The following PTGFR variants were observed in gnomAD, a reference collection of about 807,000 sequenced individuals.
The protein encoded by PTGFR is prostaglandin F receptor.
PTGFR carries 15 observed loss-of-function variants against 26.2 expected under a neutral mutation model. That is an observed-to-expected ratio of 0.57 (90% CI 0.38 to 0.88). The LOEUF (loss-of-function observed/expected upper bound fraction) is 0.88. Ranked by LOEUF, PTGFR falls within the 40% of genes least tolerant of loss-of-function variation. The pLI, the probability that PTGFR is intolerant of heterozygous loss-of-function variation, is 0.00. For synonymous variants in PTGFR, 165 were observed against 151.1 expected, an observed-to-expected ratio of 1.09 and a Z score of -0.68; for missense variants, 369 against 427.2, an observed-to-expected ratio of 0.86 and a Z score of 1.20.
chr1:78,515,756 A>C (rs577988501), intron 2 of PTGFR, among the ~76,000 whole-genome samples: 38 of 152,312 alleles, frequency 2.5e-4, no homozygotes, highest in African/African-American at 8.7e-4. Context: ...TTTGTGATTA[A>C]TCTAATTTCT....
intron 2 of PTGFR, among the ~76,000 whole-genome samples, chr1:78,508,627 C>G (rs1225986785): frequency 1.3e-5 from 2 of 152,216 alleles, no homozygotes; most frequent in African/African-American, 4.8e-5. Flanking sequence ...CCACTCTCAA[C>G]AGTCCGGCCT....
intron 2 of PTGFR, among the ~76,000 whole-genome samples, chr1:78,500,983 T>C (rs1282012459): frequency 1.3e-5 from 2 of 152,098 alleles, no homozygotes; most frequent in Non-Finnish European, 2.9e-5. Context: ...TAAACTTATT[T>C]ACTCTTAGAA....
Position 78,539,815 on chromosome 1 carries a change from T to A in PTGFR, c.*3128T>A, listed in dbSNP as rs1356724418. On this transcript the variant is annotated 3_prime_UTR_variant, in exon 3 of 3. Coordinates refer to ENST00000370757, the MANE Select transcript of PTGFR (RefSeq NM_000959.4). Reference sequence around the variant, plus strand: ...GAAACGCTTGAACCTAAACTCCCGTTTTATCTGCTACTGGATGAGAAGAAT... The same window carrying A: ...GAAACGCTTGAACCTAAACTCCCGTATTATCTGCTACTGGATGAGAAGAAT... The A allele has an allele frequency of 6.6e-6, 1 of 152,364 alleles. No homozygotes were observed. The highest frequency in any genetic ancestry group is 2.4e-5 in the African/African-American group (1 of 41,422). 9.4% of individuals were successfully genotyped at this position (152,364 alleles called of 1,614,324 possible).
rs1650677033 is a variant in PTGFR, at chr1:78,537,110, C to T, written c.*423C>T. 1 of 155,944 alleles carries T rather than the reference C, an allele frequency of 6.4e-6. No individual in the cohort carries two copies. The allele number at this position is 155,944 out of a possible 1,614,324, so 9.7% of individuals were successfully genotyped here. ...ATAAACTAGGCTCAGTAAAATAAAG[C>T]ACTCTTATTTTTTGATCTGGCCTAT... is the stretch of plus-strand genomic sequence containing the variant. On this transcript the variant is annotated 3_prime_UTR_variant, in exon 3 of 3. Transcript: ENST00000370757.
intron 2 of PTGFR, among the ~76,000 whole-genome samples, chr1:78,515,776 A>G (rs1285562317): frequency 2.0e-5 from 3 of 152,198 alleles, no homozygotes; most frequent in Non-Finnish European, 4.4e-5. Flanking sequence ...TTAAGTGGCT[A>G]GAAAGCTCCT....
intron 2 of PTGFR, among the ~76,000 whole-genome samples, chr1:78,501,542 G>A (rs1219500926): frequency 1.3e-5 from 2 of 152,178 alleles, no homozygotes; most frequent in African/African-American, 2.4e-5. Flanking sequence ...AGGCAGGGAG[G>A]TGTTTTTTTC....
chr1:78,526,663 G>GT (rs1557657568), intron 2 of PTGFR, among the ~76,000 whole-genome samples: 1 of 152,044 alleles, frequency 6.6e-6, no homozygotes, highest in Non-Finnish European at 1.5e-5. Flanking sequence ...ATATATCATT[G>GT]TTTAGCAAGT....
At position 78,498,709 on chromosome 1, in the gene PTGFR, CACAA is replaced by C. The variant is rs202187163; in HGVS notation, c.798+5186_798+5189del. On this transcript the variant is annotated intron_variant, in intron 2 of 2. Transcript: ENST00000370757. ...CCCTGACTCTAAAAACAAACAAACA[CACAA>C]ACAAACAAACAAACAAAATGGACTG... Among the ~76,000 whole-genome samples, 1,055 of 152,160 alleles carry C rather than the reference CACAA, an allele frequency of 6.9e-3. 16 individuals are homozygous for C. The highest frequency in any genetic ancestry group is 0.011 in the Non-Finnish European group (742 of 67,982).
rs1321239257 is a variant in PTGFR at position 78,539,267 on chromosome 1, A to G, written c.*2580A>G. ...GTAGATATATTTTGTTATGTGATAA[A>G]TGTTTCTTGTTTGCACACTTTTGGA... is the stretch of plus-strand genomic sequence containing the variant. On this transcript the variant is annotated 3_prime_UTR_variant, in exon 3 of 3. Coordinates refer to ENST00000370757, the MANE Select transcript of PTGFR (RefSeq NM_000959.4). 1 of 152,000 alleles carries G rather than the reference A, an allele frequency of 6.6e-6. No homozygotes were observed. The highest frequency in any genetic ancestry group is 1.5e-5 in the Non-Finnish European group (1 of 67,956). 9.4% of individuals were successfully genotyped at this position (152,000 alleles called of 1,614,324 possible).
At chr1:78,521,846 T>C (rs1016471248) in intron 2 of PTGFR, among the ~76,000 whole-genome samples, 2 of 152,086 alleles carry the variant, frequency 1.3e-5, no homozygotes, top group Admixed American at 6.6e-5. Flanking sequence ...TTTCACTGTT[T>C]CCTAAATTTA....
intron 1 of PTGFR, among the ~76,000 whole-genome samples, chr1:78,491,828 A>G (rs1469881946): frequency 6.6e-6 from 1 of 152,230 alleles, no homozygotes; most frequent in African/African-American, 2.4e-5. Flanking sequence ...GGAAACGCCA[A>G]TCGAATTAGC....
In PTGFR at chr1:78,537,727, T is replaced by A. The variant is rs946287499; in HGVS notation, c.*1040T>A. ...GAGCAGGTTCATTAAATTTGTAAGA[T>A]GGCATATTCTAAAGCCTGTGCTACC... On this transcript the variant is annotated 3_prime_UTR_variant, in exon 3 of 3. Transcript: ENST00000370757. The A allele has an allele frequency of 1.3e-5, 2 of 152,138 alleles. No homozygotes were observed. Among genetic ancestry groups the A allele is most frequent in the Admixed American group, 1.3e-4 (2 of 15,242 alleles). The allele number at this position is 152,138 out of a possible 1,614,324, so 9.4% of individuals were successfully genotyped here.
At chr1:78,512,706 C>A (rs1462887822) in intron 2 of PTGFR, among the ~76,000 whole-genome samples, 1 of 152,104 alleles carries the variant, frequency 6.6e-6, no homozygotes, top group Admixed American at 6.5e-5. Context: ...TTTTTCCTTC[C>A]AAATCTCATG....
intron 2 of PTGFR, among the ~76,000 whole-genome samples, chr1:78,505,972 T>C (rs1413360090): frequency 6.6e-6 from 1 of 152,238 alleles, no homozygotes. Context: ...ATCTTTTGGC[T>C]ATTGTGAATA....
intron 2 of PTGFR, among the ~76,000 whole-genome samples, chr1:78,518,419 C>T (rs1650142692): frequency 6.6e-6 from 1 of 151,920 alleles, no homozygotes; most frequent in Non-Finnish European, 1.5e-5. Context: ...CAGCTTTATA[C>T]ACACAAAAAA....
At position 78,536,947 on chromosome 1, in the gene PTGFR, A is replaced by T; in HGVS notation, c.*260A>T. The T allele has an allele frequency of 2.3e-6, 1 of 439,948 alleles. No individual in the cohort carries two copies. The highest frequency in any genetic ancestry group is 4.0e-6 in the Non-Finnish European group (1 of 247,408). The allele number at this position is 439,948 out of a possible 1,614,324, so 27.3% of individuals were successfully genotyped here. A position where few individuals can be genotyped will look rare whatever the true frequency, so the allele number is the denominator to read the frequency against. The stretch of plus-strand genomic sequence containing the variant: ...TCACACTGAAAGCAATTTTGAGCTT[A>T]TCTGTCTTATTTATGCTTTGAGTGA... On this transcript the variant is annotated 3_prime_UTR_variant, in exon 3 of 3. Coordinates refer to ENST00000370757, the MANE Select transcript of PTGFR (RefSeq NM_000959.4).
intron 2 of PTGFR, among the ~76,000 whole-genome samples, chr1:78,512,003 G>A (rs527330927): frequency 1.3e-5 from 2 of 152,274 alleles, no homozygotes; most frequent in Non-Finnish European, 2.9e-5. Context: ...GGTAAAATGG[G>A]TGACCTTCAC....
chr1:78,504,702 T>G (rs1649787818), intron 2 of PTGFR, among the ~76,000 whole-genome samples: 1 of 152,206 alleles, frequency 6.6e-6, no homozygotes, highest in Admixed American at 6.5e-5. Flanking sequence ...CATTTGTATT[T>G]ATGTTTTTAA....
chr1:78,539,640 T>A lies in PTGFR; in HGVS notation c.*2953T>A, dbSNP rs1178766785. The A allele has an allele frequency of 6.6e-6, 1 of 152,562 alleles. No individual in the cohort carries two copies. Among genetic ancestry groups the A allele is most frequent in the Non-Finnish European group, 1.5e-5 (1 of 68,006 alleles). 9.5% of individuals were successfully genotyped at this position (152,562 alleles called of 1,614,324 possible). On this transcript the variant is annotated 3_prime_UTR_variant, in exon 3 of 3. Transcript: ENST00000370757. ...GTTGGATTGTATAGAGATTAAATAG[T>A]GATATGTATATTTTGTTGTTTGCTT... is the stretch of plus-strand genomic sequence containing the variant.
Sources: allele counts gnomAD v4.1 joint callset (sites outside exome capture counted in the v4.1 genomes callset), GRCh38; gene constraint gnomAD v4.1.1; transcripts MANE v1.5; gene names NCBI Gene and HGNC (gene_info 2026-07-23, HGNC 2026-07-21).